Variants in SCOC observed in about 807,000 individuals in gnomAD.
The protein encoded by SCOC is short coiled coil protein.
SCOC carries 7 observed loss-of-function variants against 9.9 expected under a neutral mutation model. The ratio of observed to expected loss-of-function variants is 0.71; its 90% CI spans 0.40 to 1.33. The LOEUF (loss-of-function observed/expected upper bound fraction) is 1.33, where lower values mean the gene tolerates loss of function less well. SCOC is among the 40% of genes most tolerant of loss of function. The probability of loss-of-function intolerance (pLI) is 0.01; values close to 1 mark genes in which losing one functional copy is unlikely to be tolerated. For missense variants in SCOC, 66 were observed against 89.7 expected (o/e 0.74, Z 1.07); for synonymous variants, 19 against 28.2 (o/e 0.67, Z 1.03).
chr4:140,291,763 C>T (rs1273811285), intron 1 of SCOC, among the ~76,000 whole-genome samples: 1 of 152,120 alleles, frequency 6.6e-6, no homozygotes, highest in Non-Finnish European at 1.5e-5. Context: ...TTTCTCAGCT[C>T]TATTGGGGGG....
rs113631152 is a variant in SCOC at position 140,306,792 on chromosome 4, G to A, written c.-18-36829G>A. Among the ~76,000 whole-genome samples, 639 of 147,150 alleles carry A rather than the reference G, an allele frequency of 4.3e-3. 6 individuals carry two copies. Among genetic ancestry groups the A allele is most frequent in the African/African-American group, 0.016 (603 of 38,606 alleles). The stretch of plus-strand genomic sequence containing the variant: ...AAGTATGTTGTAGGTAGGAGAAGGT[G>A]GGGAATGATCGACATTCCCTTGCAC... On this transcript the variant is annotated intron_variant, in intron 1 of 4. Coordinates refer to the SCOC transcript ENST00000394205.
chr4:140,345,575 A>T (rs569672996), intron 2 of SCOC, among the ~76,000 whole-genome samples: 6 of 152,300 alleles, frequency 3.9e-5, no homozygotes, highest in Admixed American at 2.6e-4. Flanking sequence ...AAATTATTAT[A>T]AAAAAATGGA....
chr4:140,384,182 A>G lies in SCOC; in HGVS notation c.*3078A>G, dbSNP rs1345981615. The G allele has an allele frequency of 6.6e-6, 1 of 152,252 alleles. No homozygotes were observed. Among genetic ancestry groups the G allele is most frequent in the Non-Finnish European group, 1.5e-5 (1 of 68,050 alleles). The allele number at this position is 152,252 out of a possible 1,614,324, so 9.4% of individuals were successfully genotyped here. A position where few individuals can be genotyped will look rare whatever the true frequency, so the allele number is the denominator to read the frequency against. ...AAAGCAAGGAATAGCCAATTCACTTAACATTCTGGCTTTTTCCAGCTAGAG... is the reference window on the plus strand; with the variant it reads ...AAAGCAAGGAATAGCCAATTCACTTGACATTCTGGCTTTTTCCAGCTAGAG... On this transcript the variant is annotated 3_prime_UTR_variant, in exon 4 of 4. Coordinates refer to ENST00000608372, the MANE Select transcript of SCOC (RefSeq NM_001153484.2).
intron 1 of SCOC, among the ~76,000 whole-genome samples, chr4:140,271,191 C>G (rs975944194): frequency 6.6e-6 from 1 of 152,206 alleles, no homozygotes; most frequent in African/African-American, 2.4e-5. Flanking sequence ...CTGCTGCCCC[C>G]ACTCAGAGAC....
At chr4:140,269,165 G>A (rs1560675344) in intron 1 of SCOC, among the ~76,000 whole-genome samples, 2 of 152,248 alleles carry the variant, frequency 1.3e-5, no homozygotes, top group African/African-American at 4.8e-5. Flanking sequence ...CACACATTAT[G>A]GGATAGTTTA....
chr4:140,313,088 T>C (rs1732201102), intron 1 of SCOC, among the ~76,000 whole-genome samples: 1 of 152,178 alleles, frequency 6.6e-6, no homozygotes, highest in African/African-American at 2.4e-5. Flanking sequence ...AGAGGTACTT[T>C]AGGGAAACTC....
intron 1 of SCOC, among the ~76,000 whole-genome samples, chr4:140,295,059 T>G (rs1731583478): frequency 6.6e-6 from 1 of 152,202 alleles, no homozygotes; most frequent in Admixed American, 6.5e-5. Context: ...AGGAAGCATA[T>G]CTTCTGTCAA....
upstream of SCOC, among the ~76,000 whole-genome samples, chr4:140,340,641 C>T (rs1726477917): frequency 6.6e-6 from 1 of 151,774 alleles, no homozygotes; most frequent in Non-Finnish European, 1.5e-5. Context: ...AACTATACAA[C>T]TAGTAGAAGA....
chr4:140,354,733 T>C (rs1479264274), intron 2 of SCOC, among the ~76,000 whole-genome samples: 2 of 151,988 alleles, frequency 1.3e-5, no homozygotes, highest in Non-Finnish European at 1.5e-5. Context: ...TTTAAACCTT[T>C]TTGAGGGAGG....
At chr4:140,274,526 G>A (rs1721505300) in intron 1 of SCOC, among the ~76,000 whole-genome samples, 1 of 152,146 alleles carries the variant, frequency 6.6e-6, no homozygotes, top group Non-Finnish European at 1.5e-5. Flanking sequence ...TTCTCTCTCG[G>A]CAGGTGCATC....
chr4:140,281,000 A>G (rs1731084390), intron 1 of SCOC, among the ~76,000 whole-genome samples: 1 of 152,154 alleles, frequency 6.6e-6, no homozygotes, highest in African/African-American at 2.4e-5. Context: ...TATGGCTTAT[A>G]TGTTTTGACA....
At chr4:140,336,521 T>A (rs1381124494) in intron 1 of SCOC, among the ~76,000 whole-genome samples, 1 of 152,192 alleles carries the variant, frequency 6.6e-6, no homozygotes, top group African/African-American at 2.4e-5. Flanking sequence ...GCATACTGTT[T>A]TTGAGGTTTA....
At chr4:140,357,765 C>T (rs1727290255) in intron 2 of SCOC, among the ~76,000 whole-genome samples, 1 of 152,204 alleles carries the variant, frequency 6.6e-6, no homozygotes, top group Non-Finnish European at 1.5e-5. Context: ...TTTGCCATCT[C>T]ACTATACTAC....
At chr4:140,345,777 G>C (rs1726712005) in intron 2 of SCOC, among the ~76,000 whole-genome samples, 1 of 152,106 alleles carries the variant, frequency 6.6e-6, no homozygotes, top group Non-Finnish European at 1.5e-5. Context: ...GAGGCCCAGA[G>C]AGTCTAAATG....
intron 1 of SCOC, among the ~76,000 whole-genome samples, chr4:140,335,743 GTTC>G (rs1732940501): frequency 1.3e-5 from 2 of 152,102 alleles, no homozygotes; most frequent in South Asian, 2.1e-4. Flanking sequence ...GGCTTCCAGT[GTTC>G]TTCATTATTG....
At chr4:140,380,499 G>A (rs1012850637) in intron 3 of SCOC, among the ~76,000 whole-genome samples, 1 of 151,884 alleles carries the variant, frequency 6.6e-6, no homozygotes. Context: ...TGCCCAGCCG[G>A]AATTAACCTC....
intron 1 of SCOC, among the ~76,000 whole-genome samples, chr4:140,273,882 T>C (rs1730918594): frequency 6.6e-6 from 1 of 152,246 alleles, no homozygotes. Context: ...ATAATAATCA[T>C]GTTCAAACAT....
intron 1 of SCOC, among the ~76,000 whole-genome samples, chr4:140,287,196 C>T (rs1412916149): frequency 6.6e-6 from 1 of 151,932 alleles, no homozygotes; most frequent in African/African-American, 2.4e-5. Context: ...GCTACACACA[C>T]ACATCATGTG....
At chr4:140,310,780 C>A (rs1732130889) in intron 1 of SCOC, among the ~76,000 whole-genome samples, 1 of 152,158 alleles carries the variant, frequency 6.6e-6, no homozygotes, top group Non-Finnish European at 1.5e-5. Context: ...GGATCTCCCC[C>A]CGAGGGTGGG....
Sources: allele counts gnomAD v4.1 joint callset (sites outside exome capture counted in the v4.1 genomes callset), GRCh38; gene constraint gnomAD v4.1.1; transcripts MANE v1.5; gene names NCBI Gene and HGNC (gene_info 2026-07-23, HGNC 2026-07-21).